PCDH15: variants seen among roughly 807,000 people sequenced by gnomAD.
The protein encoded by PCDH15 is protocadherin-15.
In PCDH15, 129 loss-of-function variants were observed where a neutral mutation model predicts 178.5. The observed-to-expected ratio is 0.72, with a 90% CI of 0.63 to 0.84. The LOEUF is 0.84. PCDH15 is among the 40% of genes least tolerant of loss of function. The probability of loss-of-function intolerance (pLI) is 0.00; values close to 1 mark genes in which losing one functional copy is unlikely to be tolerated. For missense variants in PCDH15, 2,230 were observed against 2,099.9 expected (o/e 1.06, Z -1.21); for synonymous variants, 800 against 732.0 (o/e 1.09, Z -1.50).
intron 2 of PCDH15, among the ~76,000 whole-genome samples, chr10:55,341,541 C>G (rs564887316): frequency 6.7e-6 from 1 of 148,706 alleles, no homozygotes; most frequent in Non-Finnish European, 1.5e-5. Flanking sequence ...GAGGTAGACA[C>G]TATTATTTTT....
intron 2 of PCDH15, among the ~76,000 whole-genome samples, chr10:55,135,391 C>G (rs1838162860): frequency 6.6e-6 from 1 of 151,660 alleles, no homozygotes. Flanking sequence ...AATTTCAAAC[C>G]ATGAAAGCCC....
intron 2 of PCDH15, among the ~76,000 whole-genome samples, chr10:54,550,145 A>G (rs1425658950): frequency 6.6e-6 from 1 of 152,066 alleles, no homozygotes; most frequent in Non-Finnish European, 1.5e-5. Context: ...TTGTTGAATG[A>G]TTCTATTTCT....
At chr10:55,449,148 A>G (rs937661506) in intron 2 of PCDH15, among the ~76,000 whole-genome samples, 3 of 152,126 alleles carry the variant, frequency 2.0e-5, no homozygotes, top group Admixed American at 2.0e-4. Context: ...TTTTAAGTAT[A>G]GAGACAATCT....
intron 9 of PCDH15, among the ~76,000 whole-genome samples, chr10:54,230,570 A>G (rs1330180622): frequency 1.3e-5 from 2 of 152,120 alleles, no homozygotes; most frequent in Admixed American, 1.3e-4. Flanking sequence ...TTCTCTTCAC[A>G]TTTCCAATAT....
chr10:53,860,090 T>C (rs2079004158), intron 27 of PCDH15, among the ~76,000 whole-genome samples: 2 of 152,160 alleles, frequency 1.3e-5, no homozygotes, highest in Admixed American at 6.5e-5. Context: ...GTGAATGTGT[T>C]TGCTGGATCA....
intron 20 of PCDH15, among the ~76,000 whole-genome samples, chr10:54,003,149 A>AG (rs2092244131): frequency 6.6e-6 from 1 of 152,194 alleles, no homozygotes; most frequent in Non-Finnish European, 1.5e-5. Flanking sequence ...ACATCATGAA[A>AG]GGAAAAAAAC....
At chr10:54,933,509 T>C (rs1837832431) in intron 2 of PCDH15, among the ~76,000 whole-genome samples, 1 of 152,160 alleles carries the variant, frequency 6.6e-6, no homozygotes, top group Non-Finnish European at 1.5e-5. Context: ...TACAATGGAA[T>C]AGAAGAGCAA....
At chr10:54,868,558 C>T (rs552324696) in intron 3 of PCDH15, among the ~76,000 whole-genome samples, 1 of 152,130 alleles carries the variant, frequency 6.6e-6, no homozygotes, top group Non-Finnish European at 1.5e-5. Context: ...CTTTGACCAC[C>T]TTTAATCCCA....
In PCDH15 at chr10:53,805,281, A is replaced by G. The variant is rs908284339; in HGVS notation, c.*1298T>C. 1 of 152,074 alleles carries G rather than the reference A, an allele frequency of 6.6e-6. No homozygotes were observed. Among genetic ancestry groups the G allele is most frequent in the Non-Finnish European group, 1.5e-5 (1 of 67,984 alleles). 9.4% of individuals were successfully genotyped at this position (152,074 alleles called of 1,614,324 possible). A position where few individuals can be genotyped will look rare whatever the true frequency, so the allele number is the denominator to read the frequency against. On this transcript the variant is annotated 3_prime_UTR_variant, in exon 38 of 38. Coordinates refer to ENST00000644397, the MANE Select transcript of PCDH15 (RefSeq NM_001384140.1). ...GCAAAATTTGAAGTGAGCTACATCT[A>G]TATCATACTAAGTAATATTCAATAG...
intron 10 of PCDH15, 36 bp downstream of exon 10, chr10:54,213,900 A>G: frequency 7.4e-7 from 1 of 1,352,840 alleles, no homozygotes. Context: ...TTAGCAGTTC[A>G]TAAACACAAG....
Position 54,757,565 on chromosome 10 carries a change from G to C in PCDH15, c.-29+43360C>G, listed in dbSNP as rs971011286. Among the ~76,000 whole-genome samples the C allele has an allele frequency of 1.4e-4, 5 of 34,994 alleles. 2 individuals carry two copies. The highest frequency in any genetic ancestry group is 8.8e-4 in the African/African-American group (5 of 5,714). The allele number at this position is 34,994 out of a possible 152,430, so 23.0% of individuals were successfully genotyped here. A position where few individuals can be genotyped will look rare whatever the true frequency, so the allele number is the denominator to read the frequency against. On this transcript the variant is annotated intron_variant, in intron 1 of 37. Coordinates refer to ENST00000644397, the MANE Select transcript of PCDH15 (RefSeq NM_001384140.1). ...CAAAGTGCTGGGATTACAGGCGTGA[G>C]CCACCGCGCCCGGCCAATTCTACCT...
At chr10:54,133,159 C>T in intron 14 of PCDH15, 152 bp from the exon 15 acceptor site, 1 of 922,098 alleles carries the variant, frequency 1.1e-6, no homozygotes, top group Non-Finnish European at 1.7e-6. Flanking sequence ...ATAGAAAAAA[C>T]TACCACCAAA....
At chr10:55,109,346 G>T (rs1490584591) in intron 2 of PCDH15, among the ~76,000 whole-genome samples, 1 of 151,990 alleles carries the variant, frequency 6.6e-6, no homozygotes, top group East Asian at 1.9e-4. Flanking sequence ...TCTCAATAGG[G>T]TACAACTTTA....
chr10:55,543,709 T>G (rs1225337540), intron 2 of PCDH15, among the ~76,000 whole-genome samples: 1 of 151,476 alleles, frequency 6.6e-6, no homozygotes, highest in Non-Finnish European at 1.5e-5. Context: ...AAAATCTGAT[T>G]CCATATACTT....
intron 26 of PCDH15, among the ~76,000 whole-genome samples, chr10:53,867,351 G>A: frequency 6.6e-6 from 1 of 151,986 alleles, no homozygotes; most frequent in East Asian, 1.9e-4. Context: ...GTTAACAATA[G>A]TATATAGTTC....
chr10:54,360,257 A>C (rs1945788443), intron 5 of PCDH15, among the ~76,000 whole-genome samples: 1 of 151,878 alleles, frequency 6.6e-6, no homozygotes, highest in Non-Finnish European at 1.5e-5. Flanking sequence ...ATTGACCTTC[A>C]TTTCCCCTCC....
chr10:55,325,246 A>G (rs1844000490), intron 2 of PCDH15, among the ~76,000 whole-genome samples: 1 of 152,152 alleles, frequency 6.6e-6, no homozygotes, highest in African/African-American at 2.4e-5. Context: ...GGAACCAAAA[A>G]AAGCTCAAAT....
At chr10:54,906,694 T>C (rs1954727593) in intron 2 of PCDH15, among the ~76,000 whole-genome samples, 1 of 152,026 alleles carries the variant, frequency 6.6e-6, no homozygotes, top group South Asian at 2.1e-4. Flanking sequence ...ATTTTGCAAA[T>C]TCAAAAGGTA....
intron 2 of PCDH15, among the ~76,000 whole-genome samples, chr10:54,646,394 G>A (rs761573027): frequency 2.6e-5 from 4 of 152,102 alleles, no homozygotes; most frequent in Admixed American, 6.6e-5. Context: ...CAAGGATATT[G>A]AGGGACAACT....
Sources: allele counts gnomAD v4.1 joint callset (sites outside exome capture counted in the v4.1 genomes callset), GRCh38; gene constraint gnomAD v4.1.1; transcripts MANE v1.5; gene names NCBI Gene and HGNC (gene_info 2026-07-23, HGNC 2026-07-21).